Variants in EIF4G3 observed in about 807,000 individuals in gnomAD.
The protein encoded by EIF4G3 is eukaryotic translation initiation factor 4 gamma 3.
EIF4G3 carries 34 observed loss-of-function variants against 186.4 expected under a neutral mutation model. The observed-to-expected ratio is 0.18, with a 90% CI of 0.14 to 0.24. The LOEUF (loss-of-function observed/expected upper bound fraction) is 0.24. Ranked by LOEUF, EIF4G3 falls within the 10% of genes least tolerant of loss-of-function variation. The pLI, the probability that EIF4G3 is intolerant of heterozygous loss-of-function variation, is 1.00. For missense variants in EIF4G3, 1,536 were observed against 1,948.5 expected, an observed-to-expected ratio of 0.79 and a Z score of 3.99; for synonymous variants, 673 against 679.5, an observed-to-expected ratio of 0.99 and a Z score of 0.15.
At chr1:21,141,344 T>C (rs2097333101) in intron 2 of EIF4G3, among the ~76,000 whole-genome samples, 1 of 151,328 alleles carries the variant, frequency 6.6e-6, no homozygotes. Flanking sequence ...GAATTGAACA[T>C]TACCATTTCT....
At position 20,841,097 on chromosome 1, in the gene EIF4G3, T is replaced by C. The variant is rs950018342; in HGVS notation, c.3889-69A>G. 8.9e-5 allele frequency: 134 copies of C among 1,502,254 alleles called. No homozygotes were observed. The African/African-American group carries it at 1.4e-3, about 15-fold the overall frequency. 93.1% of individuals were successfully genotyped at this position (1,502,254 alleles called of 1,614,324 possible). A position where few individuals can be genotyped will look rare whatever the true frequency, so the allele number is the denominator to read the frequency against. Reference sequence around the variant, plus strand: ...TGTTACCAGAATGTTAAGATAACTTTAAAATCTTTTACTTACAACAGAATC... The same window carrying C: ...TGTTACCAGAATGTTAAGATAACTTCAAAATCTTTTACTTACAACAGAATC... On this transcript the variant is annotated intron_variant, in intron 29 of 36. Transcript: ENST00000602326.
At chr1:20,913,050 A>G (rs1340614627) in intron 14 of EIF4G3, among the ~76,000 whole-genome samples, 7 of 152,194 alleles carry the variant, frequency 4.6e-5, no homozygotes, top group Non-Finnish European at 7.3e-5. Flanking sequence ...CAACCAAAAG[A>G]AACACTTGAG....
chr1:20,822,355 CTTTTTTTTTTTTT>C (rs57050580), intron 33 of EIF4G3, among the ~76,000 whole-genome samples: 2 of 65,048 alleles, frequency 3.1e-5, no homozygotes, highest in South Asian at 8.2e-4. Flanking sequence ...AAAGAACCAG[CTTTTTTTTTTTTT>C]TTTTTTTTTT....
intron 3 of EIF4G3, among the ~76,000 whole-genome samples, chr1:21,087,930 G>A (rs1242363799): frequency 6.6e-6 from 1 of 150,468 alleles, no homozygotes; most frequent in Non-Finnish European, 1.5e-5. Flanking sequence ...ACCGTGCCCA[G>A]CCAAAAAAAT....
chr1:21,132,276 G>A (rs1475462144), intron 2 of EIF4G3, among the ~76,000 whole-genome samples: 2 of 151,976 alleles, frequency 1.3e-5, no homozygotes, highest in Non-Finnish European at 2.9e-5. Flanking sequence ...AATCCTCCCT[G>A]TTAATTCAGA....
Position 20,862,242 on chromosome 1 carries a change from T to C in EIF4G3, c.3097A>G (p.Ile1033Val), listed in dbSNP as rs940615029. The change falls in exon 23 of 37, where the codon ATA (isoleucine) becomes GTA (valine). Residue 1033 changes from isoleucine to valine, a missense_variant. Ile to Val is a conservative substitution (Grantham distance 29). Coordinates refer to ENST00000602326, the MANE Select transcript of EIF4G3 (RefSeq NM_001391906.1). ...SRIRFMLQDV[I>V]DLRLCNWVSR... is the part of the protein sequence containing the mutation. Reference sequence around the variant, plus strand: ...TTCCCACTCACCAGCCTTAGGTCTATAACATCTTGAAGCATGAACCGAATC... The same window carrying C: ...TTCCCACTCACCAGCCTTAGGTCTACAACATCTTGAAGCATGAACCGAATC... 6.2e-7 allele frequency: 1 copy of C among 1,602,022 alleles called. No individual in the cohort carries two copies. The highest frequency in any genetic ancestry group is 2.2e-5 in the East Asian group (1 of 44,760).
At chr1:20,950,156 A>T in intron 12 of EIF4G3, 45 bp from the exon 13 acceptor site, 3 of 1,432,818 alleles carry the variant, frequency 2.1e-6, no homozygotes, top group Non-Finnish European at 2.8e-6. Context: ...GCGTGCGAAC[A>T]TAAAAACTAG....
chr1:20,884,823 A>G (rs1256777355), intron 19 of EIF4G3, among the ~76,000 whole-genome samples: 2 of 152,068 alleles, frequency 1.3e-5, no homozygotes, highest in African/African-American at 4.8e-5. Context: ...CTGAACAATT[A>G]TTTACTGAGA....
chr1:21,107,363 A>C (rs888772673), intron 2 of EIF4G3, among the ~76,000 whole-genome samples: 2 of 151,436 alleles, frequency 1.3e-5, no homozygotes, highest in Admixed American at 6.6e-5. Flanking sequence ...TTTTTAGTAA[A>C]GACTGGCCAT....
chr1:20,814,916 G>A (rs1024944274), intron 34 of EIF4G3, among the ~76,000 whole-genome samples: 5 of 112,636 alleles, frequency 4.4e-5, no homozygotes, highest in African/African-American at 1.7e-4. Flanking sequence ...CCGAGTGCCT[G>A]CGATTGCAGG....
At chr1:21,172,208 C>G (rs935496660) in intron 2 of EIF4G3, among the ~76,000 whole-genome samples, 1 of 151,236 alleles carries the variant, frequency 6.6e-6, no homozygotes, top group Admixed American at 6.6e-5. Flanking sequence ...AAAAGCAGGC[C>G]GGCAGAAGAG....
At chr1:21,050,773 GT>G in intron 4 of EIF4G3, 92 bp downstream of exon 4, 1 of 643,198 alleles carries the variant, frequency 1.6e-6, no homozygotes, top group Non-Finnish European at 2.7e-6. Flanking sequence ...TACAAGTAAT[GT>G]TTTATGTTAC....
chr1:21,107,837 C>T (rs950201703), intron 2 of EIF4G3, among the ~76,000 whole-genome samples: 7 of 152,176 alleles, frequency 4.6e-5, no homozygotes, highest in African/African-American at 1.7e-4. Flanking sequence ...TGCCACCATG[C>T]CCAGCTTATA....
At chr1:21,156,611 C>T (rs1276802252) in intron 2 of EIF4G3, among the ~76,000 whole-genome samples, 1 of 152,184 alleles carries the variant, frequency 6.6e-6, no homozygotes, top group South Asian at 2.1e-4. Flanking sequence ...TCAATGACAG[C>T]ATCATTTTCT....
chr1:20,812,646 C>A (rs1457464820), intron 35 of EIF4G3, among the ~76,000 whole-genome samples: 1 of 152,090 alleles, frequency 6.6e-6, no homozygotes, highest in Admixed American at 6.6e-5. Flanking sequence ...TTTCTACTGA[C>A]CCTAATCCTA....
chr1:21,038,131 C>A (rs1011677430), intron 4 of EIF4G3, among the ~76,000 whole-genome samples: 1 of 152,186 alleles, frequency 6.6e-6, no homozygotes, highest in Non-Finnish European at 1.5e-5. Flanking sequence ...TGGCTTTCTG[C>A]CCCTCAGAAG....
chr1:20,941,313 G>A, intron 14 of EIF4G3, 178 bp downstream of exon 14: 1 of 1,558,952 alleles, frequency 6.4e-7, no homozygotes, highest in East Asian at 2.4e-5. Flanking sequence ...AGACAATGGA[G>A]TAACTCTTTT....
chr1:21,066,193 T>C (rs1210015821), intron 3 of EIF4G3, among the ~76,000 whole-genome samples: 1 of 150,794 alleles, frequency 6.6e-6, no homozygotes, highest in South Asian at 2.1e-4. Flanking sequence ...TGACACCTCA[T>C]CCTAATTGAT....
intron 10 of EIF4G3, among the ~76,000 whole-genome samples, chr1:20,978,319 C>T: frequency 6.6e-6 from 1 of 152,064 alleles, no homozygotes; most frequent in Non-Finnish European, 1.5e-5. Flanking sequence ...TTTAAACTCA[C>T]ATATATGTAA....
Sources: allele counts gnomAD v4.1 joint callset (sites outside exome capture counted in the v4.1 genomes callset), GRCh38; gene constraint gnomAD v4.1.1; transcripts MANE v1.5; gene names NCBI Gene and HGNC (gene_info 2026-07-23, HGNC 2026-07-21).